The following SEMA3F variants were observed in gnomAD, a reference collection of about 807,000 sequenced individuals.
SEMA3F encodes the protein semaphorin 3F, also known as semaphorin-3F.
In SEMA3F, 30 loss-of-function variants were observed where a neutral mutation model predicts 98.5. The observed-to-expected ratio is 0.30, with a 90% CI of 0.23 to 0.41. The LOEUF is 0.41. SEMA3F is among the 10% of genes least tolerant of loss of function. SEMA3F has a pLI of 1.00. For missense variants in SEMA3F, 866 were observed against 1,119.3 expected, an observed-to-expected ratio of 0.77 and a Z score of 3.23; for synonymous variants, 380 against 444.8, an observed-to-expected ratio of 0.85 and a Z score of 1.83.
intron 2 of SEMA3F, among the ~76,000 whole-genome samples, chr3:50,172,375 G>A (rs1054588523): frequency 2.0e-5 from 3 of 152,136 alleles, no homozygotes; most frequent in African/African-American, 7.2e-5. Flanking sequence ...TGGGTGGAGA[G>A]GGGGCTTGCC....
intron 2 of SEMA3F, among the ~76,000 whole-genome samples, chr3:50,168,084 G>C (rs552219596): frequency 6.6e-6 from 1 of 152,338 alleles, no homozygotes; most frequent in South Asian, 2.1e-4. Context: ...AATTGGTTTT[G>C]TTGGCACCAA....
chr3:50,181,462 C>A (rs1251148726), intron 7 of SEMA3F, among the ~76,000 whole-genome samples: 1 of 151,832 alleles, frequency 6.6e-6, no homozygotes, highest in Non-Finnish European at 1.5e-5. Context: ...GCTGGGACTA[C>A]ATGCGTGCAC....
At chr3:50,162,919 G>C (rs1371507462) in intron 2 of SEMA3F, among the ~76,000 whole-genome samples, 5 of 152,206 alleles carry the variant, frequency 3.3e-5, no homozygotes, top group African/African-American at 1.2e-4. Context: ...CGAAATAGTA[G>C]TAGGAGCCCA....
chr3:50,163,813 G>A (rs1575379174), intron 2 of SEMA3F, among the ~76,000 whole-genome samples: 1 of 152,220 alleles, frequency 6.6e-6, no homozygotes, highest in Admixed American at 6.5e-5. Context: ...AGCTACAGTG[G>A]GGGTTGGAGC....
chr3:50,155,508 A>G lies in SEMA3F; in HGVS notation c.-105A>G, dbSNP rs1196953835. The G allele has an allele frequency of 6.2e-6, 2 of 321,910 alleles. No homozygotes were observed. The highest frequency in any genetic ancestry group is 2.2e-5 in the African/African-American group (1 of 45,564). 19.9% of individuals were successfully genotyped at this position (321,910 alleles called of 1,614,324 possible). A position where few individuals can be genotyped will look rare whatever the true frequency, so the allele number is the denominator to read the frequency against. ...CGCTAGCGCGGACCGGCCCAACGGG[A>G]GCCGCTCCGTGCCGCCGCCGCCGCC... On this transcript the variant is annotated 5_prime_UTR_variant, in exon 1 of 19. Coordinates refer to ENST00000002829, the MANE Select transcript of SEMA3F (RefSeq NM_004186.5). This position sits in a 1 kb window ranked among gnomAD's most constrained non-coding sequence, Gnocchi z 4.9.
At chr3:50,180,228 C>T (rs937102876) in intron 7 of SEMA3F, among the ~76,000 whole-genome samples, 3 of 152,044 alleles carry the variant, frequency 2.0e-5, no homozygotes, top group Admixed American at 6.6e-5. Context: ...TGGCTCACTG[C>T]AACCTCCACC....
rs1699045849 is a variant in SEMA3F, at chr3:50,182,381, G to A, written c.741G>A (p.Gln247=). Residue 247 remains glutamine, a synonymous_variant, in exon 8 of 19, where the codon CAG becomes CAA. Transcript: ENST00000002829. The surrounding 1 kb of genome is among the most constrained non-coding windows in gnomAD (Gnocchi z 4.5). Reference sequence around the variant, plus strand: ...AGCAGACAGCCATGCGCACGGATCAGTACAACTCCCGGTGGCTGAACGGTA... The same window carrying A: ...AGCAGACAGCCATGCGCACGGATCAATACAACTCCCGGTGGCTGAACGGTA... ...LGKQTAMRTD[Q]YNSRWLNDPS... The A allele has an allele frequency of 6.2e-7, 1 of 1,613,858 alleles. No individual in the cohort carries two copies. The highest frequency in any genetic ancestry group is 1.1e-5 in the South Asian group (1 of 91,094).
intron 2 of SEMA3F, 25 bp from the exon 3 acceptor site, chr3:50,173,768 T>A: frequency 6.2e-7 from 1 of 1,611,636 alleles, no homozygotes; most frequent in Non-Finnish European, 8.5e-7. Flanking sequence ...AAGGTCCTAA[T>A]TGGTGCCCTG....
chr3:50,173,772 T>C, intron 2 of SEMA3F, 21 bp from the exon 3 acceptor site: 6 of 1,612,160 alleles, frequency 3.7e-6, no homozygotes, highest in Non-Finnish European at 5.1e-6. Context: ...TCCTAATTGG[T>C]GCCCTGCCCT....
rs1375075513 is a variant in SEMA3F, at chr3:50,182,396, G to T, written c.756G>T (p.Trp252Cys). 1 of 1,613,640 alleles carries T rather than the reference G, an allele frequency of 6.2e-7. No homozygotes were observed. The highest frequency in any genetic ancestry group is 8.5e-7 in the Non-Finnish European group (1 of 1,180,046). ...GCACGGATCAGTACAACTCCCGGTG[G>T]CTGAACGGTAAGCGCAGCCCCAGGA... ...AMRTDQYNSRWLNDPSFIHAE... is the reference protein window; with the variant it reads ...AMRTDQYNSRCLNDPSFIHAE... The change falls in exon 8 of 19, where the codon TGG (tryptophan) becomes TGT (cysteine). Residue 252 changes from tryptophan (W) to cysteine (C), a missense_variant. Physicochemically the swap from Trp to Cys is radical, Grantham distance 215. This residue lies in a region of SEMA3F where 374 missense variants were observed against 582.8 expected (regional missense o/e 0.64). Coordinates refer to ENST00000002829, the MANE Select transcript of SEMA3F (RefSeq NM_004186.5). The surrounding 1 kb of genome is among the most constrained non-coding windows in gnomAD (Gnocchi z 4.5).
At chr3:50,159,274 C>A in intron 1 of SEMA3F, 1 of 229,098 alleles carries the variant, frequency 4.4e-6, no homozygotes, top group East Asian at 1.1e-4. Flanking sequence ...CTGGAAAGAG[C>A]CCTAAGATCA....
In SEMA3F at chr3:50,166,795, A is replaced by G. The variant is rs1698422752; in HGVS notation, c.113-6998A>G. Among the ~76,000 whole-genome samples, 1 of 152,112 alleles carries G rather than the reference A, an allele frequency of 6.6e-6. No homozygotes were observed. The highest frequency in any genetic ancestry group is 2.4e-5 in the African/African-American group (1 of 41,412). ...CTTGGCCTGTCTGTCTGGGTGATTT[A>G]TCAGAGTAAATGAGCCATGGAGAGT... On this transcript the variant is annotated intron_variant, in intron 2 of 18. Coordinates refer to ENST00000002829, the MANE Select transcript of SEMA3F (RefSeq NM_004186.5). This position sits in a 1 kb window ranked among gnomAD's most constrained non-coding sequence, Gnocchi z 4.7.
chr3:50,185,613 C>T, intron 14 of SEMA3F, 53 bp from the exon 15 acceptor site: 1 of 1,613,058 alleles, frequency 6.2e-7, no homozygotes, highest in Non-Finnish European at 8.5e-7. Context: ...ACCTCTAGGT[C>T]AGGGCAGGGA....
chr3:50,181,943 T>C (rs1699031765), intron 7 of SEMA3F, among the ~76,000 whole-genome samples: 1 of 152,208 alleles, frequency 6.6e-6, no homozygotes, highest in South Asian at 2.1e-4. Context: ...CTTGAGGTGA[T>C]TTACATTTGT....
chr3:50,160,537 T>C (rs1227650655), intron 2 of SEMA3F, among the ~76,000 whole-genome samples: 1 of 152,204 alleles, frequency 6.6e-6, no homozygotes, highest in African/African-American at 2.4e-5. Context: ...GTGTGTGGTC[T>C]GAAGAGTCTC....
rs910624921 is a variant in SEMA3F, at chr3:50,187,923, C to T, written c.2166C>T (p.Pro722=). The part of the protein sequence containing the change: ...MSAPPPPGAG[P]PTPPYQELAQ... ...CCCCGCCACCCCCAGGCGCAGGCCC[C>T]CCAACGCCTCCTTACCAGGAGTTAG... Residue 722 remains proline, a synonymous_variant, in exon 19 of 19, where the codon CCC becomes CCT. Coordinates refer to ENST00000002829, the MANE Select transcript of SEMA3F (RefSeq NM_004186.5). 1 of 1,608,186 alleles carries T rather than the reference C, an allele frequency of 6.2e-7. No homozygotes were observed. The highest frequency in any genetic ancestry group is 1.3e-5 in the African/African-American group (1 of 74,920).
At position 50,158,582 on chromosome 3, in the gene SEMA3F, A is replaced by G. The variant is rs1698083761; in HGVS notation, c.-48-993A>G. ...AGATGGGCCTGGGGTCCTGCCTGCC[A>G]CGGAAGAAGGGAGTACACAGGGCAG... On this transcript the variant is annotated intron_variant, in intron 1 of 18. Transcript: ENST00000002829. This position sits in a 1 kb window ranked among gnomAD's most constrained non-coding sequence, Gnocchi z 4.8. 6.6e-6 allele frequency among the ~76,000 whole-genome samples: 1 copy of G among 152,168 alleles called. No individual in the cohort carries two copies. Among genetic ancestry groups the G allele is most frequent in the Non-Finnish European group, 1.5e-5 (1 of 68,012 alleles).
chr3:50,164,961 G>C (rs1236565984), intron 2 of SEMA3F, among the ~76,000 whole-genome samples: 2 of 152,268 alleles, frequency 1.3e-5, no homozygotes, highest in Non-Finnish European at 2.9e-5. Flanking sequence ...CCTGAGGCTG[G>C]TGTGCAGGTG....
chr3:50,185,720 C>A lies in SEMA3F; in HGVS notation c.1587+13C>A. ...CTCTTCTAAGAGGGTAAGCCTTTGG[C>A]GAGGTGAGCCAAGGTTGGGGACAGG... is the stretch of plus-strand genomic sequence containing the variant. On this transcript the variant is annotated intron_variant, in intron 15 of 18. Transcript: ENST00000002829. The A allele has an allele frequency of 6.2e-7, 1 of 1,614,076 alleles. No homozygotes were observed. The highest frequency in any genetic ancestry group is 8.5e-7 in the Non-Finnish European group (1 of 1,179,930).
Sources: allele counts gnomAD v4.1 joint callset (sites outside exome capture counted in the v4.1 genomes callset), GRCh38; gene constraint gnomAD v4.1.1; regional missense constraint gnomAD v4.1.1; non-coding constraint Gnocchi (gnomAD v3.1); transcripts MANE v1.5; gene names NCBI Gene and HGNC (gene_info 2026-07-23, HGNC 2026-07-21).